Variants in OR51M1 observed in about 807,000 individuals in gnomAD.
OR51M1 encodes the protein olfactory receptor family 51 subfamily M member 1.
For synonymous variants in OR51M1, 199 were observed against 155.1 expected (o/e 1.28, Z -2.10); for missense variants, 509 against 404.4 (o/e 1.26, Z -2.22).
chr11:5,389,951 G>T lies in OR51M1; in HGVS notation c.553G>T (p.Val185Phe). 6.2e-7 allele frequency: 1 copy of T among 1,611,320 alleles called. No homozygotes were observed. The highest frequency in any genetic ancestry group is 8.5e-7 in the Non-Finnish European group (1 of 1,179,858). Residue 185 changes from valine (V) to phenylalanine (F), a missense_variant, in exon 3 of 3, where the codon GTC becomes TTC. Val to Phe is a conservative substitution (Grantham distance 50, BLOSUM62 -1). Transcript: ENST00000642046. Reference sequence around the variant, plus strand: ...GGCTTTTCCCTACTGTGGATCTGTGGTCCTCTCCCACTCATTTTGCCTGCA... The same window carrying T: ...GGCTTTTCCCTACTGTGGATCTGTGTTCCTCTCCCACTCATTTTGCCTGCA... ...LKAFPYCGSV[V>F]LSHSFCLHQE...
At chr11:5,389,026 TATTTGTTATTTATCAATA>T (rs1849747788) in intron 2 of OR51M1, among the ~76,000 whole-genome samples, 1 of 152,184 alleles carries the variant, frequency 6.6e-6, no homozygotes, top group South Asian at 2.1e-4. Flanking sequence ...TGGAATTATA[TATTTGTTATTTATCAATA>T]TATGGATGGT....
At position 5,392,477 on chromosome 11, in the gene OR51M1, C is replaced by G. The variant is rs1247987380; in HGVS notation, c.*2098C>G. On this transcript the variant is annotated 3_prime_UTR_variant, in exon 3 of 3. Coordinates refer to ENST00000642046, the MANE Select transcript of OR51M1 (RefSeq NM_001004756.3). Reference sequence around the variant, plus strand: ...TTTTGCCTCTTATTAACAAATAGACCACTGACATCTAAATTTCATTTTCAA... The same window carrying G: ...TTTTGCCTCTTATTAACAAATAGACGACTGACATCTAAATTTCATTTTCAA... The G allele has an allele frequency of 6.6e-6, 1 of 152,120 alleles. No individual in the cohort carries two copies. The highest frequency in any genetic ancestry group is 6.5e-5 in the Admixed American group (1 of 15,278). The allele number at this position is 152,120 out of a possible 1,614,324, so 9.4% of individuals were successfully genotyped here.
rs1310641058 is a variant in OR51M1 at position 5,389,817 on chromosome 11, A to G, written c.419A>G (p.His140Arg). The G allele has an allele frequency of 6.2e-7, 1 of 1,613,612 alleles. No homozygotes were observed. The highest frequency in any genetic ancestry group is 8.5e-7 in the Non-Finnish European group (1 of 1,179,826). Residue 140 changes from histidine to arginine, a missense_variant, in exon 3 of 3, where the codon CAC (histidine) becomes CGC (arginine). By Grantham distance (29) the His-to-Arg change is conservative. Transcript: ENST00000642046. Reference protein sequence around the residue: ...MSFDRLVAICHPLRYSVIITG... With the variant: ...MSFDRLVAICRPLRYSVIITG... ...TTTGACCGCCTTGTGGCCATCTGCC[A>G]CCCTCTGAGGTATTCGGTCATTATC...
At chr11:5,386,034 G>A (rs188809501) in intron 2 of OR51M1, among the ~76,000 whole-genome samples, 31 of 151,748 alleles carry the variant, frequency 2.0e-4, no homozygotes, top group Admixed American at 7.2e-4. Flanking sequence ...CAGGTACTAC[G>A]TGAGAACAGA....
Position 5,391,221 on chromosome 11 carries a change from G to A in OR51M1, c.*842G>A, listed in dbSNP as rs1159633025. The A allele has an allele frequency of 1.7e-4, 26 of 152,170 alleles. No homozygotes were observed. Among genetic ancestry groups the A allele is most frequent in the Admixed American group, 1.7e-3 (26 of 15,268 alleles). 9.4% of individuals were successfully genotyped at this position (152,170 alleles called of 1,614,324 possible). A position where few individuals can be genotyped will look rare whatever the true frequency, so the allele number is the denominator to read the frequency against. On this transcript the variant is annotated 3_prime_UTR_variant, in exon 3 of 3. Coordinates refer to ENST00000642046, the MANE Select transcript of OR51M1 (RefSeq NM_001004756.3). ...CATTGGCTGATCAGCCTGTCCCTAC[G>A]AGTGACTAAATGCAATCCTTGCAGG...
chr11:5,390,542 ACTT>A lies in OR51M1; in HGVS notation c.*166_*168del. On this transcript the variant is annotated 3_prime_UTR_variant, in exon 3 of 3. Coordinates refer to ENST00000642046, the MANE Select transcript of OR51M1 (RefSeq NM_001004756.3). Reference sequence around the variant, plus strand: ...TGGAGTTGTGGCTTTAAAAAACTGAACTTCTCTTGCTTAGATTTTAATGGCTCC... The same window carrying A: ...TGGAGTTGTGGCTTTAAAAAACTGAACTCTTGCTTAGATTTTAATGGCTCC... The A allele has an allele frequency of 1.6e-6, 1 of 609,410 alleles. No individual in the cohort carries two copies. The highest frequency in any genetic ancestry group is 2.8e-6 in the Non-Finnish European group (1 of 363,496). The allele number at this position is 609,410 out of a possible 1,614,324, so 37.8% of individuals were successfully genotyped here.
chr11:5,385,655 T>C (rs930046270), intron 2 of OR51M1, among the ~76,000 whole-genome samples, 197 bp downstream of exon 2: 3 of 151,824 alleles, frequency 2.0e-5, no homozygotes, highest in African/African-American at 7.3e-5. Context: ...GTTCTAAACA[T>C]GTATAATAAA....
chr11:5,389,486 C>G lies in OR51M1; in HGVS notation c.88C>G (p.Pro30Ala). The G allele has an allele frequency of 6.2e-7, 1 of 1,614,012 alleles. No individual in the cohort carries two copies. Among genetic ancestry groups the G allele is most frequent in the Non-Finnish European group, 8.5e-7 (1 of 1,179,890 alleles). The change falls in exon 3 of 3, where the codon CCT (proline) becomes GCT (alanine). Residue 30 changes from proline (P) to alanine (A), a missense_variant. By Grantham distance (27) the Pro-to-Ala change is conservative. Coordinates refer to ENST00000642046, the MANE Select transcript of OR51M1 (RefSeq NM_001004756.3). ...CCCCATATTCTATCTCACCAGCTTT[C>G]CTGGATTGGAAGGCATCAAACACTG... is the stretch of plus-strand genomic sequence containing the variant. ...FSPIFYLTSF[P>A]GLEGIKHWIF...
intron 2 of OR51M1, among the ~76,000 whole-genome samples, chr11:5,386,953 G>A (rs1014317041): frequency 3.3e-5 from 5 of 152,050 alleles, no homozygotes; most frequent in South Asian, 2.1e-4. Flanking sequence ...AATATTAGAC[G>A]TGTTGAGTTT....
Position 5,390,201 on chromosome 11 carries a change from TG to T in OR51M1, c.807del (p.Leu270CysfsTer50). 1 of 1,614,024 alleles carries T rather than the reference TG, an allele frequency of 6.2e-7. No individual in the cohort carries two copies. Among genetic ancestry groups the T allele is most frequent in the South Asian group, 1.1e-5 (1 of 91,084 alleles). On this transcript the variant is annotated frameshift_variant, in exon 3 of 3. Coordinates refer to ENST00000642046, the MANE Select transcript of OR51M1 (RefSeq NM_001004756.3). LOFTEE classifies it low-confidence loss of function (END_TRUNC). ...GTGCTAGTATTCTTTGTGCCCATGA[TG>T]GGGCTGTCCCTGGTGCACCGTTTTG... Reference protein sequence around the residue: ...CAVLVFFVPMMGLSLVHRFGK... With the variant: ...CAVLVFFVPMXGLSLVHRFGK...
intron 2 of OR51M1, among the ~76,000 whole-genome samples, chr11:5,387,056 A>T (rs1355056142): frequency 6.6e-6 from 1 of 152,136 alleles, no homozygotes; most frequent in Non-Finnish European, 1.5e-5. Context: ...AATGTCTAAG[A>T]GCCACCACTG....
intron 2 of OR51M1, among the ~76,000 whole-genome samples, chr11:5,387,191 A>G (rs567418941): frequency 1.3e-5 from 2 of 152,322 alleles, no homozygotes; most frequent in Non-Finnish European, 2.9e-5. Context: ...TATCACAAAA[A>G]TCAGAAGAGA....
In OR51M1 at chr11:5,392,370, A is replaced by C. The variant is rs1457871907; in HGVS notation, c.*1991A>C. 6.6e-6 allele frequency: 1 copy of C among 152,198 alleles called. No individual in the cohort carries two copies. Among genetic ancestry groups the C allele is most frequent in the African/African-American group, 2.4e-5 (1 of 41,448 alleles). The allele number at this position is 152,198 out of a possible 1,614,324, so 9.4% of individuals were successfully genotyped here. On this transcript the variant is annotated 3_prime_UTR_variant, in exon 3 of 3. Transcript: ENST00000642046. The stretch of plus-strand genomic sequence containing the variant: ...AATATTCTTCTCCATGTTGAGAGGA[A>C]ATTCCTATTCTATAGATCTCATTTG...
At position 5,389,493 on chromosome 11, in the gene OR51M1, T is replaced by G; in HGVS notation, c.95T>G (p.Leu32Trp). 1 of 1,614,038 alleles carries G rather than the reference T, an allele frequency of 6.2e-7. No homozygotes were observed. Among genetic ancestry groups the G allele is most frequent in the Non-Finnish European group, 8.5e-7 (1 of 1,179,870 alleles). Residue 32 changes from leucine to tryptophan, a missense_variant, in exon 3 of 3, where the codon TTG (leucine) becomes TGG (tryptophan). Coordinates refer to ENST00000642046, the MANE Select transcript of OR51M1 (RefSeq NM_001004756.3). ...PIFYLTSFPG[L>W]EGIKHWIFIP... ...TTCTATCTCACCAGCTTTCCTGGATTGGAAGGCATCAAACACTGGATTTTC... is the reference window on the plus strand; with the variant it reads ...TTCTATCTCACCAGCTTTCCTGGATGGGAAGGCATCAAACACTGGATTTTC...
At position 5,390,279 on chromosome 11, in the gene OR51M1, T is replaced by C. The variant is rs1314537511; in HGVS notation, c.881T>C (p.Phe294Ser). 3.7e-6 allele frequency: 6 copies of C among 1,613,868 alleles called. No individual in the cohort carries two copies. Among genetic ancestry groups the C allele is most frequent in the Non-Finnish European group, 4.2e-6 (5 of 1,179,894 alleles). The change falls in exon 3 of 3, where the codon TTT becomes TCT. Residue 294 changes from phenylalanine to serine, a missense_variant. Physicochemically the swap from Phe to Ser is radical, Grantham distance 155 (BLOSUM62 -2). Transcript: ENST00000642046. ...CTTCTTATGGCCAATGTCTACCTTT[T>C]TGTGCCTCCCATGCTTAACCCAATC... ...IHLLMANVYL[F>S]VPPMLNPIIY...
Position 5,390,217 on chromosome 11 carries a change from G to C in OR51M1, c.819G>C (p.Val273=). ...TGCCCATGATGGGGCTGTCCCTGGT[G>C]CACCGTTTTGGGAAGCATGCCCCAC... ...FFVPMMGLSL[V]HRFGKHAPPA... Residue 273 remains valine (V), a synonymous_variant, in exon 3 of 3, where the codon GTG becomes GTC. Transcript: ENST00000642046. 1 of 1,613,996 alleles carries C rather than the reference G, an allele frequency of 6.2e-7. No individual in the cohort carries two copies. The highest frequency in any genetic ancestry group is 8.5e-7 in the Non-Finnish European group (1 of 1,179,896).
chr11:5,389,807 GCCATCTGCCA>G lies in OR51M1; in HGVS notation c.412_421del (p.Ile138LeufsTer2), dbSNP rs1849764775. 1 of 1,613,752 alleles carries G rather than the reference GCCATCTGCCA, an allele frequency of 6.2e-7. No individual in the cohort carries two copies. The highest frequency in any genetic ancestry group is 1.3e-5 in the African/African-American group (1 of 74,890). On this transcript the variant is annotated frameshift_variant, in exon 3 of 3. Coordinates refer to ENST00000642046, the MANE Select transcript of OR51M1 (RefSeq NM_001004756.3). LOFTEE classifies it low-confidence loss of function (END_TRUNC). ...CATGATGTCCTTTGACCGCCTTGTGGCCATCTGCCACCCTCTGAGGTATTCGGTCATTATC... is the reference window on the plus strand; with the variant it reads ...CATGATGTCCTTTGACCGCCTTGTGGCCCTCTGAGGTATTCGGTCATTATC...
intron 2 of OR51M1, among the ~76,000 whole-genome samples, chr11:5,385,910 C>T (rs972375846): frequency 5.4e-5 from 8 of 148,594 alleles, no homozygotes; most frequent in East Asian, 3.9e-4. Flanking sequence ...TAAACTTATA[C>T]ATATGTGTAC....
Position 5,391,245 on chromosome 11 carries a change from G to T in OR51M1, c.*866G>T, listed in dbSNP as rs1234817711. ...CGAGTGACTAAATGCAATCCTTGCA[G>T]GGGTCTCAGCTTTGAAATTGCTTCC... On this transcript the variant is annotated 3_prime_UTR_variant, in exon 3 of 3. Transcript: ENST00000642046. 2.0e-5 allele frequency: 3 copies of T among 152,194 alleles called. No homozygotes were observed. Among genetic ancestry groups the T allele is most frequent in the Non-Finnish European group, 2.9e-5 (2 of 68,040 alleles). The allele number at this position is 152,194 out of a possible 1,614,324, so 9.4% of individuals were successfully genotyped here. A position where few individuals can be genotyped will look rare whatever the true frequency, so the allele number is the denominator to read the frequency against.
Sources: gnomAD v4.1 joint callset for allele counts (sites outside exome capture counted in the v4.1 genomes callset) on GRCh38, gnomAD v4.1.1 for gene constraint, MANE v1.5 for transcripts, NCBI Gene and HGNC (gene_info 2026-07-23, HGNC 2026-07-21) for gene names.